Variants in DMBX1 observed in about 807,000 individuals in gnomAD.
DMBX1 encodes diencephalon/mesencephalon homeobox 1.
In DMBX1, 7 loss-of-function variants were observed where a neutral mutation model predicts 30.4. The ratio of observed to expected loss-of-function variants is 0.23; its 90% CI spans 0.13 to 0.43. The LOEUF is 0.43. DMBX1 is among the 20% of genes least tolerant of loss of function. The pLI is 1.00. For synonymous variants in DMBX1, 222 were observed against 214.2 expected (o/e 1.04, Z -0.32); for missense variants, 460 against 508.5 (o/e 0.90, Z 0.92).
At chr1:46,500,714 A>G (rs1186583652) in intron 2 of DMBX1, among the ~76,000 whole-genome samples, 1 of 152,114 alleles carries the variant, frequency 6.6e-6, no homozygotes, top group Non-Finnish European at 1.5e-5. Context: ...GGATCGTATC[A>G]TGCATACTGC....
intron 2 of DMBX1, among the ~76,000 whole-genome samples, chr1:46,496,944 G>A (rs969867619): frequency 6.6e-6 from 1 of 152,208 alleles, no homozygotes; most frequent in Non-Finnish European, 1.5e-5. Flanking sequence ...GGTTGCAGTG[G>A]CCTCTCCCCT....
intron 2 of DMBX1, 94 bp from the exon 3 acceptor site, chr1:46,506,905 G>A (rs1666245700): frequency 7.0e-7 from 1 of 1,429,528 alleles, no homozygotes; most frequent in South Asian, 1.3e-5. Context: ...CCCATCAGAA[G>A]GTGGGCATCC....
Position 46,511,170 on chromosome 1 carries a change from A to G in DMBX1, c.569A>G (p.Asp190Gly), listed in dbSNP as rs1305726695. 1.2e-6 allele frequency: 2 copies of G among 1,613,814 alleles called. No individual in the cohort carries two copies. The highest frequency in any genetic ancestry group is 1.7e-6 in the Non-Finnish European group (2 of 1,180,006). The change falls in exon 5 of 6, where the codon GAT becomes GGT. Residue 190 changes from aspartate (D) to glycine (G), a missense_variant. By Grantham distance (94) the Asp-to-Gly change is moderately conservative. Transcript: ENST00000360032. ...TCAGCCAGTGAGTCAGCCCCCGAGG[A>G]TCAGCCGGACCGTGAGGAGGACCCC... ...EQSASESAPE[D>G]QPDREEDPRA...
chr1:46,512,345 G>T lies in DMBX1; in HGVS notation c.985G>T (p.Val329Leu). 1 of 1,614,026 alleles carries T rather than the reference G, an allele frequency of 6.2e-7. No individual in the cohort carries two copies. The highest frequency in any genetic ancestry group is 8.5e-7 in the Non-Finnish European group (1 of 1,180,000). ...LSAAAAAHQG[V>L]WGSPLLPAPP... Reference sequence around the variant, plus strand: ...AGCAGCCGCTGCTGCCCACCAGGGTGTGTGGGGGTCTCCTCTGCTGCCTGC... The same window carrying T: ...AGCAGCCGCTGCTGCCCACCAGGGTTTGTGGGGGTCTCCTCTGCTGCCTGC... Residue 329 changes from valine to leucine, a missense_variant, in exon 6 of 6, where the codon GTG becomes TTG. Physicochemically the swap from Val to Leu is conservative, Grantham distance 32. Around this residue, in one of 3 missense-constraint regions of DMBX1, gnomAD observed 334 missense variants for 345.1 expected, o/e 0.97. Coordinates refer to ENST00000360032, the MANE Select transcript of DMBX1 (RefSeq NM_172225.2). The surrounding 1 kb of genome is among the most constrained non-coding windows in gnomAD (Gnocchi z 4.8).
intron 1 of DMBX1, among the ~76,000 whole-genome samples, 96 bp downstream of exon 1, chr1:46,489,973 C>T (rs1237142175): frequency 2.0e-5 from 3 of 152,182 alleles, no homozygotes; most frequent in Non-Finnish European, 4.4e-5. Flanking sequence ...GACAGCCTCC[C>T]CTCTTGCGGT....
intron 2 of DMBX1, among the ~76,000 whole-genome samples, chr1:46,496,631 A>G (rs1361798291): frequency 2.0e-5 from 3 of 152,214 alleles, no homozygotes; most frequent in Non-Finnish European, 4.4e-5. Flanking sequence ...AGCCAGCCCC[A>G]CAACACCCAC....
chr1:46,512,303 T>C lies in DMBX1; in HGVS notation c.943T>C (p.Tyr315His), dbSNP rs767804219. 6.2e-7 allele frequency: 1 copy of C among 1,613,602 alleles called. No homozygotes were observed. Among genetic ancestry groups the C allele is most frequent in the Non-Finnish European group, 8.5e-7 (1 of 1,179,910 alleles). ...GCTGGGCTCACTGCACTGCCAGTCC[T>C]ACTACCAGTCCCTGTCAGCAGCCGC... ...APLGSLHCQS[Y>H]YQSLSAAAAA... The change falls in exon 6 of 6, where the codon TAC becomes CAC. Residue 315 changes from tyrosine to histidine, a missense_variant. By Grantham distance (83) the Tyr-to-His change is moderately conservative. This residue lies in a region of DMBX1 where 334 missense variants were observed against 345.1 expected (regional missense o/e 0.97). Coordinates refer to ENST00000360032, the MANE Select transcript of DMBX1 (RefSeq NM_172225.2). The surrounding 1 kb of genome is among the most constrained non-coding windows in gnomAD (Gnocchi z 4.8).
At chr1:46,506,339 T>C (rs1015011785) in intron 2 of DMBX1, among the ~76,000 whole-genome samples, 2 of 152,260 alleles carry the variant, frequency 1.3e-5, no homozygotes, top group African/African-American at 4.8e-5. Context: ...ATTACAGGCA[T>C]GAGCCACTGT....
In DMBX1 at chr1:46,512,292, A is replaced by G; in HGVS notation, c.932A>G (p.His311Arg). 6.2e-7 allele frequency: 1 copy of G among 1,613,518 alleles called. No individual in the cohort carries two copies. The highest frequency in any genetic ancestry group is 1.1e-5 in the South Asian group (1 of 91,076). Reference sequence around the variant, plus strand: ...AACATGGCCCCGCTGGGCTCACTGCACTGCCAGTCCTACTACCAGTCCCTG... The same window carrying G: ...AACATGGCCCCGCTGGGCTCACTGCGCTGCCAGTCCTACTACCAGTCCCTG... The part of the protein sequence containing the change: ...GVNMAPLGSL[H>R]CQSYYQSLSA... The change falls in exon 6 of 6, where the codon CAC (histidine) becomes CGC (arginine). Residue 311 changes from histidine (H) to arginine (R), a missense_variant. His to Arg is a conservative substitution (Grantham distance 29). Transcript: ENST00000360032. This position sits in a 1 kb window ranked among gnomAD's most constrained non-coding sequence, Gnocchi z 4.8.
chr1:46,502,951 G>T (rs1295050604), intron 2 of DMBX1, among the ~76,000 whole-genome samples: 1 of 152,150 alleles, frequency 6.6e-6, no homozygotes, highest in East Asian at 1.9e-4. Flanking sequence ...GACCCTCCAG[G>T]GGCTTCCCAT....
At chr1:46,507,707 A>T (rs1309167132) in intron 3 of DMBX1, among the ~76,000 whole-genome samples, 1 of 152,114 alleles carries the variant, frequency 6.6e-6, no homozygotes, top group Non-Finnish European at 1.5e-5. Context: ...AGAGAGGCTA[A>T]ATCTGGGCCA....
intron 2 of DMBX1, among the ~76,000 whole-genome samples, chr1:46,496,926 G>T (rs1276425877): frequency 1.3e-5 from 2 of 152,216 alleles, no homozygotes; most frequent in African/African-American, 4.8e-5. Flanking sequence ...CTGCAAAGCA[G>T]GAGGGACGGT....
In DMBX1 at chr1:46,513,368, G is replaced by T. The variant is rs1276766003; in HGVS notation, c.*874G>T. ...GGATCTGGAGCTGCAGGCAGGAGGTGGCACTGGCTCCCACTCCCACCCCTG... is the reference window on the plus strand; with the variant it reads ...GGATCTGGAGCTGCAGGCAGGAGGTTGCACTGGCTCCCACTCCCACCCCTG... On this transcript the variant is annotated 3_prime_UTR_variant, in exon 6 of 6. Coordinates refer to ENST00000360032, the MANE Select transcript of DMBX1 (RefSeq NM_172225.2). The T allele has an allele frequency of 1.3e-5, 2 of 152,148 alleles. No homozygotes were observed. Among genetic ancestry groups the T allele is most frequent in the East Asian group, 3.9e-4 (2 of 5,194 alleles). 9.4% of individuals were successfully genotyped at this position (152,148 alleles called of 1,614,324 possible).
intron 2 of DMBX1, among the ~76,000 whole-genome samples, chr1:46,500,063 T>C (rs538832721): frequency 7.9e-5 from 12 of 152,088 alleles, no homozygotes; most frequent in African/African-American, 2.9e-4. Flanking sequence ...GGGAAGAATT[T>C]GTTAGGGGAA....
intron 2 of DMBX1, among the ~76,000 whole-genome samples, chr1:46,496,444 C>T (rs537336385): frequency 6.6e-6 from 1 of 152,204 alleles, no homozygotes; most frequent in African/African-American, 2.4e-5. Context: ...AAGGGACTCA[C>T]CTTCCTTGAG....
At chr1:46,501,218 CTTTCTTTCTTT>C (rs1557786022) in intron 2 of DMBX1, among the ~76,000 whole-genome samples, 2,324 of 85,670 alleles carry the variant, frequency 0.027, 59 homozygotes, top group Middle Eastern at 0.045. Context: ...TCCTTCCTTT[CTTTCTTTCTTT>C]CTTTCTTTCT....
In DMBX1 at chr1:46,512,345, G is replaced by A; in HGVS notation, c.985G>A (p.Val329Met). 1 of 1,614,026 alleles carries A rather than the reference G, an allele frequency of 6.2e-7. No individual in the cohort carries two copies. Among genetic ancestry groups the A allele is most frequent in the African/African-American group, 1.3e-5 (1 of 75,028 alleles). ...AGCAGCCGCTGCTGCCCACCAGGGT[G>A]TGTGGGGGTCTCCTCTGCTGCCTGC... ...LSAAAAAHQG[V>M]WGSPLLPAPP... Residue 329 changes from valine to methionine, a missense_variant, in exon 6 of 6, where the codon GTG becomes ATG. Val to Met is a conservative substitution (Grantham distance 21). This residue lies in a region of DMBX1 where 334 missense variants were observed against 345.1 expected (regional missense o/e 0.97). Transcript: ENST00000360032. The surrounding 1 kb of genome is among the most constrained non-coding windows in gnomAD (Gnocchi z 4.8).
chr1:46,497,886 G>A (rs557937398), intron 2 of DMBX1, among the ~76,000 whole-genome samples: 77 of 152,342 alleles, frequency 5.1e-4, no homozygotes, highest in Non-Finnish European at 7.3e-4. Context: ...CTTGTGAAAC[G>A]CGGCCGCGCC....
chr1:46,505,577 A>C (rs1445567832), intron 2 of DMBX1, among the ~76,000 whole-genome samples: 1 of 149,834 alleles, frequency 6.7e-6, no homozygotes, highest in African/African-American at 2.5e-5. Flanking sequence ...AGGAAGGGGA[A>C]TATCACACTC....
Sources: gnomAD v4.1 joint callset for allele counts (sites outside exome capture counted in the v4.1 genomes callset) on GRCh38, gnomAD v4.1.1 for gene constraint, gnomAD v4.1.1 regional missense constraint, Gnocchi (gnomAD v3.1) non-coding constraint, MANE v1.5 for transcripts, NCBI Gene and HGNC (gene_info 2026-07-23, HGNC 2026-07-21) for gene names.